The following CAMKK2 variants were observed in gnomAD, a reference collection of about 807,000 sequenced individuals.
CAMKK2 encodes calcium/calmodulin dependent protein kinase kinase 2, also known as calcium/calmodulin-dependent protein kinase kinase 2.
CAMKK2 carries 30 observed loss-of-function variants against 67.2 expected under a neutral mutation model. That is an observed-to-expected ratio of 0.45 (90% confidence interval 0.33 to 0.61). The LOEUF (loss-of-function observed/expected upper bound fraction) is 0.61, where lower values mean the gene tolerates loss of function less well. Ranked by LOEUF, CAMKK2 falls within the 20% of genes least tolerant of loss-of-function variation. CAMKK2 has a pLI of 0.02. For synonymous variants in CAMKK2, 322 were observed against 326.2 expected, an observed-to-expected ratio of 0.99 and a Z score of 0.14; for missense variants, 643 against 802.0, an observed-to-expected ratio of 0.80 and a Z score of 2.39.
intron 2 of CAMKK2, 66 bp downstream of exon 2, chr12:121,273,990 G>T: frequency 8.5e-7 from 1 of 1,177,044 alleles, no homozygotes; most frequent in Non-Finnish European, 1.2e-6. Flanking sequence ...TTCCACAGAG[G>T]CCCTGCTGGG....
intron 7 of CAMKK2, among the ~76,000 whole-genome samples, chr12:121,259,927 T>C (rs1348226168): frequency 6.6e-6 from 1 of 152,000 alleles, no homozygotes; most frequent in Non-Finnish European, 1.5e-5. Flanking sequence ...TAGAAAAATT[T>C]TAAAAATTAG....
At chr12:121,244,768 T>C (rs1414370521) in intron 15 of CAMKK2, among the ~76,000 whole-genome samples, 153 bp from the exon 16 acceptor site, 1 of 152,140 alleles carries the variant, frequency 6.6e-6, no homozygotes, top group African/African-American at 2.4e-5. Flanking sequence ...AGTGGACACC[T>C]CTCTGCATGG....
chr12:121,277,403 G>A (rs185792742), intron 1 of CAMKK2, among the ~76,000 whole-genome samples: 1 of 152,300 alleles, frequency 6.6e-6, no homozygotes, highest in Admixed American at 6.5e-5. Flanking sequence ...AAGAATTGAA[G>A]GTAGGGATTC....
In CAMKK2 at chr12:121,263,193, C is replaced by T. The variant is rs12314352; in HGVS notation, c.759+613G>A. The stretch of plus-strand genomic sequence containing the variant: ...ATCCTGAGACCAAAAAGTATGAGAA[C>T]GGCTGATCTAGAGCAGGGGCTGGCA... On this transcript the variant is annotated intron_variant, in intron 6 of 16. Coordinates refer to ENST00000404169, the MANE Select transcript of CAMKK2 (RefSeq NM_001270485.2). Among the ~76,000 whole-genome samples, 3,008 of 152,264 alleles carry T rather than the reference C, an allele frequency of 0.02. 209 individuals are homozygous for T. In the East Asian group the frequency reaches 0.23, roughly 12 times the overall value.
intron 1 of CAMKK2, among the ~76,000 whole-genome samples, chr12:121,283,152 A>G (rs78082098): frequency 0.025 from 3,732 of 152,302 alleles, 128 homozygotes; most frequent in African/African-American, 0.085. Flanking sequence ...GGTTCGGAGA[A>G]GCCGGCTGCC....
chr12:121,264,166 C>T (rs773655423), intron 5 of CAMKK2, among the ~76,000 whole-genome samples: 4 of 152,208 alleles, frequency 2.6e-5, no homozygotes, highest in African/African-American at 7.2e-5. Context: ...CCCTCCTTCC[C>T]GTCACATCCC....
chr12:121,274,434 C>T lies in CAMKK2; in HGVS notation c.93G>A (p.Gln31=), dbSNP rs746162107. The T allele has an allele frequency of 8.1e-6, 13 of 1,613,074 alleles. No individual in the cohort carries two copies. The highest frequency in any genetic ancestry group is 3.3e-5 in the South Asian group (3 of 91,092). ...GGCCCCGCAGGGCCTCACAGGGCTT[C>T]TGGCTTTCGCTGCTGCTGCTGCCCC... ...GGRGSSSSES[Q]KPCEALRGLS... Residue 31 remains glutamine (Q), a synonymous_variant, in exon 2 of 17, where the codon CAG becomes CAA. Coordinates refer to ENST00000404169, the MANE Select transcript of CAMKK2 (RefSeq NM_001270485.2).
chr12:121,273,012 G>C (rs911564598), intron 2 of CAMKK2, among the ~76,000 whole-genome samples: 1 of 152,196 alleles, frequency 6.6e-6, no homozygotes, highest in Non-Finnish European at 1.5e-5. Flanking sequence ...CTGGGGATGG[G>C]ATAGGGTGTG....
At chr12:121,273,626 G>C (rs1340790616) in intron 2 of CAMKK2, among the ~76,000 whole-genome samples, 1 of 151,976 alleles carries the variant, frequency 6.6e-6, no homozygotes, top group Non-Finnish European at 1.5e-5. Context: ...TTTGCTGGAG[G>C]CTCCCTCCGG....
chr12:121,242,251 C>T lies in CAMKK2; in HGVS notation c.1597-1382G>A, dbSNP rs537519587. Among the ~76,000 whole-genome samples, 6 of 151,914 alleles carry T rather than the reference C, an allele frequency of 3.9e-5. No individual in the cohort carries two copies. The East Asian group carries it at 1.2e-3, about 29-fold the overall frequency. On this transcript the variant is annotated intron_variant, in intron 16 of 16. Coordinates refer to ENST00000404169, the MANE Select transcript of CAMKK2 (RefSeq NM_001270485.2). ...TCAGGAAGCTGAGGCAGGAGAATCG[C>T]TTGAGCCTAGGAGGCAGAGGTTGCA...
In CAMKK2 at chr12:121,255,589, G is replaced by T; in HGVS notation, c.868C>A (p.Arg290Ser). Residue 290 changes from arginine to serine, a missense_variant, in exon 9 of 17, where the codon CGT (arginine) becomes AGT (serine). This residue lies in a region of CAMKK2 where 483 missense variants were observed against 625.8 expected (regional missense o/e 0.77). Coordinates refer to ENST00000404169, the MANE Select transcript of CAMKK2 (RefSeq NM_001270485.2). ...TLKPLSEDQA[R>S]FYFQDLIKGI... The stretch of plus-strand genomic sequence containing the variant: ...TTGATCAGATCCTGGAAGTAGAAAC[G>T]GGCCTGGTCTTCAGAGAGTGGTTTG... 6.2e-7 allele frequency: 1 copy of T among 1,612,378 alleles called. No homozygotes were observed. Among genetic ancestry groups the T allele is most frequent in the Non-Finnish European group, 8.5e-7 (1 of 1,179,646 alleles).
intron 16 of CAMKK2, among the ~76,000 whole-genome samples, chr12:121,243,242 A>G (rs367957427): frequency 3.3e-5 from 5 of 151,378 alleles, no homozygotes; most frequent in African/African-American, 1.2e-4. Context: ...CATATTGGCC[A>G]GGCTGGTCTC....
In CAMKK2 at chr12:121,252,594, G is replaced by T; in HGVS notation, c.1161+67C>A. Reference sequence around the variant, plus strand: ...TTAAATAAGTAAGTACTGTCTCCCCGCAAGGGTGACTATTAACCCAGGGGC... The same window carrying T: ...TTAAATAAGTAAGTACTGTCTCCCCTCAAGGGTGACTATTAACCCAGGGGC... On this transcript the variant is annotated intron_variant, in intron 11 of 16. Transcript: ENST00000404169. 6 of 1,445,166 alleles carry T rather than the reference G, an allele frequency of 4.2e-6. 1 individual carries two copies. Among genetic ancestry groups the T allele is most frequent in the Non-Finnish European group, 5.8e-6 (6 of 1,027,376 alleles). The allele number at this position is 1,445,166 out of a possible 1,614,324, so 89.5% of individuals were successfully genotyped here.
In CAMKK2 at chr12:121,262,850, G is replaced by A. The variant is rs958219260; in HGVS notation, c.759+956C>T. ...GCTGGGATTATAGGCGTGAGCCATC[G>A]TGCCCAGCCTATTGTTTTTAAATAA... On this transcript the variant is annotated intron_variant, in intron 6 of 16. Transcript: ENST00000404169. 3.9e-5 allele frequency among the ~76,000 whole-genome samples: 6 copies of A among 152,058 alleles called. No individual in the cohort carries two copies. The East Asian group carries it at 9.7e-4, about 25-fold the overall frequency.
At chr12:121,292,046 C>T (rs1052769395) in intron 1 of CAMKK2, among the ~76,000 whole-genome samples, 5 of 151,790 alleles carry the variant, frequency 3.3e-5, no homozygotes, top group Admixed American at 6.6e-5. Flanking sequence ...CAGAGTGAGA[C>T]TCTGTCTCAA....
At chr12:121,256,549 C>T (rs1462432669) in intron 7 of CAMKK2, among the ~76,000 whole-genome samples, 1 of 152,134 alleles carries the variant, frequency 6.6e-6, no homozygotes, top group Non-Finnish European at 1.5e-5. Flanking sequence ...AGCAGTCACT[C>T]CCTATTCTTC....
intron 1 of CAMKK2, among the ~76,000 whole-genome samples, chr12:121,286,528 T>C (rs748999742): frequency 6.6e-6 from 1 of 152,134 alleles, no homozygotes; most frequent in Non-Finnish European, 1.5e-5. Context: ...GATACTGTTT[T>C]GTTTGGTTTG....
chr12:121,276,635 T>C (rs937283471), intron 1 of CAMKK2, among the ~76,000 whole-genome samples: 2 of 152,032 alleles, frequency 1.3e-5, no homozygotes, highest in African/African-American at 4.8e-5. Flanking sequence ...CAGACACCTG[T>C]GGATGATGGC....
chr12:121,258,334 C>T (rs1425579016), intron 7 of CAMKK2, among the ~76,000 whole-genome samples: 4 of 151,930 alleles, frequency 2.6e-5, no homozygotes, highest in African/African-American at 9.7e-5. Flanking sequence ...CCCTCCTCCA[C>T]CTTTTTTTGT....
Sources: gnomAD v4.1 joint callset for allele counts (sites outside exome capture counted in the v4.1 genomes callset) on GRCh38, gnomAD v4.1.1 for gene constraint, gnomAD v4.1.1 regional missense constraint, MANE v1.5 for transcripts, NCBI Gene and HGNC (gene_info 2026-07-23, HGNC 2026-07-21) for gene names.